The following COL7A1 variants were observed in gnomAD, a reference collection of about 807,000 sequenced individuals.
COL7A1 encodes the protein collagen alpha-1(VII) chain.
COL7A1 carries 296 observed loss-of-function variants against 456.2 expected under a neutral mutation model. The observed-to-expected ratio is 0.65, with a 90% CI of 0.59 to 0.71. COL7A1 has a LOEUF of 0.71. Among genes scored for constraint, COL7A1 ranks in the 30% least tolerant of loss-of-function variants. The pLI, the probability that COL7A1 is intolerant of heterozygous loss-of-function variation, is 0.00. For missense variants in COL7A1, 3,441 were observed against 4,017.2 expected (o/e 0.86, Z 3.88); for synonymous variants, 1,464 against 1,525.9 (o/e 0.96, Z 0.95).
chr3:48,588,173 A>AC lies in COL7A1; in HGVS notation c.2710+108dup. 1 of 1,537,214 alleles carries AC rather than the reference A, an allele frequency of 6.5e-7. No individual in the cohort carries two copies. The highest frequency in any genetic ancestry group is 1.1e-5 in the South Asian group (1 of 87,128). ...TTACCTACTGTCACGGATCCCGCAGACCCCCAGTGACAGACCCCGCCCACC... is the reference window on the plus strand; with the variant it reads ...TTACCTACTGTCACGGATCCCGCAGACCCCCCAGTGACAGACCCCGCCCACC... On this transcript the variant is annotated intron_variant, in intron 21 of 118. Coordinates refer to ENST00000681320, the MANE Select transcript of COL7A1 (RefSeq NM_000094.4). This position sits in a 1 kb window ranked among gnomAD's most constrained non-coding sequence, Gnocchi z 4.6.
rs773283791 is a variant in COL7A1 at position 48,573,754 on chromosome 3, G to A, written c.6538-29C>T. On this transcript the variant is annotated intron_variant, in intron 81 of 118. Transcript: ENST00000681320. This position sits in a 1 kb window ranked among gnomAD's most constrained non-coding sequence, Gnocchi z 5.5. Reference sequence around the variant, plus strand: ...TTGTGGCGAAAAAGAGTCTGATGAGGGGGAGTTAGCCGCACCCCACCAAGG... The same window carrying A: ...TTGTGGCGAAAAAGAGTCTGATGAGAGGGAGTTAGCCGCACCCCACCAAGG... 6.2e-7 allele frequency: 1 copy of A among 1,613,860 alleles called. No homozygotes were observed. Among genetic ancestry groups the A allele is most frequent in the South Asian group, 1.1e-5 (1 of 91,054 alleles).
At position 48,581,423 on chromosome 3, in the gene COL7A1, G is replaced by T; in HGVS notation, c.4818+25C>A. 6.2e-7 allele frequency: 1 copy of T among 1,613,984 alleles called. No homozygotes were observed. The highest frequency in any genetic ancestry group is 1.7e-5 in the Admixed American group (1 of 60,030). On this transcript the variant is annotated intron_variant, in intron 51 of 118. Transcript: ENST00000681320. The surrounding 1 kb of genome is among the most constrained non-coding windows in gnomAD (Gnocchi z 5.8). ...GGGAGGGGACCCCAGAAGCCTTGAG[G>T]TTGCCCAGGGTAACGGGTACTCACT...
In COL7A1 at chr3:48,587,657, G is replaced by C; in HGVS notation, c.2858-103C>G. 1 of 1,601,516 alleles carries C rather than the reference G, an allele frequency of 6.2e-7. No individual in the cohort carries two copies. Among genetic ancestry groups the C allele is most frequent in the Non-Finnish European group, 8.5e-7 (1 of 1,169,796 alleles). On this transcript the variant is annotated intron_variant, in intron 22 of 118. Coordinates refer to ENST00000681320, the MANE Select transcript of COL7A1 (RefSeq NM_000094.4). The surrounding 1 kb of genome is among the most constrained non-coding windows in gnomAD (Gnocchi z 6.1). Reference sequence around the variant, plus strand: ...CCGGTTTGTCTTATTGAAGCATCATGGGAGGTCATGCTGGGGTCACCCAGG... The same window carrying C: ...CCGGTTTGTCTTATTGAAGCATCATCGGAGGTCATGCTGGGGTCACCCAGG...
Position 48,594,182 on chromosome 3 carries a change from A to T in COL7A1, c.266+186T>A, listed in dbSNP as rs1018958960. On this transcript the variant is annotated intron_variant, in intron 3 of 118. Coordinates refer to ENST00000681320, the MANE Select transcript of COL7A1 (RefSeq NM_000094.4). This position sits in a 1 kb window ranked among gnomAD's most constrained non-coding sequence, Gnocchi z 5.5. Reference sequence around the variant, plus strand: ...CAGTAGCCTGGAGGTGCCTCAGGGCACGAAGGTTCTACCTAGGGAATCCTT... The same window carrying T: ...CAGTAGCCTGGAGGTGCCTCAGGGCTCGAAGGTTCTACCTAGGGAATCCTT... Among the ~76,000 whole-genome samples, 7 of 152,222 alleles carry T rather than the reference A, an allele frequency of 4.6e-5. No homozygotes were observed. Among genetic ancestry groups the T allele is most frequent in the African/African-American group, 1.7e-4 (7 of 41,460 alleles).
In COL7A1 at chr3:48,590,672, C is replaced by A. The variant is rs1441154788; in HGVS notation, c.1780+1G>T. 1.1e-5 allele frequency: 17 copies of A among 1,613,912 alleles called. No individual in the cohort carries two copies. The highest frequency in any genetic ancestry group is 1.4e-5 in the Non-Finnish European group (17 of 1,180,054). On this transcript the variant is annotated splice_donor_variant, in intron 14 of 118. Transcript: ENST00000681320. LOFTEE classifies it high-confidence loss of function. The surrounding 1 kb of genome is among the most constrained non-coding windows in gnomAD (Gnocchi z 4.6). Reference sequence around the variant, plus strand: ...CTCCACAAGCCTCCTGCAGTACTCACCCCGGCGGACAGTGAGGACACTGGC... The same window carrying A: ...CTCCACAAGCCTCCTGCAGTACTCAACCCGGCGGACAGTGAGGACACTGGC...
In COL7A1 at chr3:48,572,460, C is replaced by G; in HGVS notation, c.6937-39G>C. 6.2e-7 allele frequency: 1 copy of G among 1,613,998 alleles called. No individual in the cohort carries two copies. The highest frequency in any genetic ancestry group is 1.3e-5 in the African/African-American group (1 of 74,980). ...GAGGTCAGTGGGATTCCTTGGCCCC[C>G]ACCAGTTGACCCCCCCTCACTGGCA... On this transcript the variant is annotated intron_variant, in intron 89 of 118. Transcript: ENST00000681320. This position sits in a 1 kb window ranked among gnomAD's most constrained non-coding sequence, Gnocchi z 4.6.
chr3:48,588,034 G>T lies in COL7A1; in HGVS notation c.2711-95C>A. On this transcript the variant is annotated intron_variant, in intron 21 of 118. Coordinates refer to ENST00000681320, the MANE Select transcript of COL7A1 (RefSeq NM_000094.4). The surrounding 1 kb of genome is among the most constrained non-coding windows in gnomAD (Gnocchi z 4.6). ...GCCCACTTCACTGGCTCTGTTAACT[G>T]GGTTCACCCTCCTGACTGATCTTCC... 1 of 1,444,172 alleles carries T rather than the reference G, an allele frequency of 6.9e-7. No homozygotes were observed. 89.5% of individuals were successfully genotyped at this position (1,444,172 alleles called of 1,614,324 possible).
rs370710442 is a variant in COL7A1 at position 48,575,932 on chromosome 3, C to T, written c.5821-30G>A. ...GGACAAAGTCTGGGTGAAGGGCTGC[C>T]CATGACAGAGAAGCTCCTGCCTTCT... is the stretch of plus-strand genomic sequence containing the variant. On this transcript the variant is annotated intron_variant, in intron 71 of 118. Coordinates refer to ENST00000681320, the MANE Select transcript of COL7A1 (RefSeq NM_000094.4). The surrounding 1 kb of genome is among the most constrained non-coding windows in gnomAD (Gnocchi z 6.3). 3.1e-6 allele frequency: 5 copies of T among 1,613,986 alleles called. No homozygotes were observed. Among genetic ancestry groups the T allele is most frequent in the Non-Finnish European group, 4.2e-6 (5 of 1,180,028 alleles).
rs529321970 is a variant in COL7A1 at position 48,582,509 on chromosome 3, G to A, written c.4568C>T (p.Pro1523Leu). The A allele has an allele frequency of 1.2e-5, 19 of 1,613,932 alleles. No individual in the cohort carries two copies. The East Asian group carries it at 3.1e-4, about 26-fold the overall frequency. ...GRPGAKGPEG[P>L]PGPTGRQGEK... ...TCCTTGGCGGCCAGTGGGTCCTGGT[G>A]GCCCCTGAATGTAGAGAAAGTGTGA... The change falls in exon 46 of 119, where the codon CCA (proline) becomes CTA (leucine). Residue 1523 changes from proline (P) to leucine (L), a missense_variant. Pro to Leu is a moderately conservative substitution (Grantham distance 98). Coordinates refer to ENST00000681320, the MANE Select transcript of COL7A1 (RefSeq NM_000094.4).
In COL7A1 at chr3:48,579,469, G is replaced by A. The variant is rs1184436396; in HGVS notation, c.5271+11C>T. Reference sequence around the variant, plus strand: ...GGGGACTTGGCAGACGGGGCAAAGTGCATCACTCACCTGTGGGCCTGGGGG... The same window carrying A: ...GGGGACTTGGCAGACGGGGCAAAGTACATCACTCACCTGTGGGCCTGGGGG... On this transcript the variant is annotated intron_variant, in intron 60 of 118. Coordinates refer to ENST00000681320, the MANE Select transcript of COL7A1 (RefSeq NM_000094.4). This position sits in a 1 kb window ranked among gnomAD's most constrained non-coding sequence, Gnocchi z 4.4. 6.2e-7 allele frequency: 1 copy of A among 1,614,130 alleles called. No homozygotes were observed. The highest frequency in any genetic ancestry group is 1.1e-5 in the South Asian group (1 of 91,076).
At position 48,574,192 on chromosome 3, in the gene COL7A1, C is replaced by T. The variant is rs2044126729; in HGVS notation, c.6501+70G>A. ...ACAAACACACACACACAGACATGCA[C>T]ACACACAGCAGCAGCAGCACCTAGC... On this transcript the variant is annotated intron_variant, in intron 80 of 118. Coordinates refer to ENST00000681320, the MANE Select transcript of COL7A1 (RefSeq NM_000094.4). This position sits in a 1 kb window ranked among gnomAD's most constrained non-coding sequence, Gnocchi z 5.0. The T allele has an allele frequency of 6.3e-7, 1 of 1,578,056 alleles. No individual in the cohort carries two copies. The highest frequency in any genetic ancestry group is 8.7e-7 in the Non-Finnish European group (1 of 1,149,338).
Position 48,593,770 on chromosome 3 carries a change from G to C in COL7A1, c.267-74C>G. On this transcript the variant is annotated intron_variant, in intron 3 of 118. Coordinates refer to ENST00000681320, the MANE Select transcript of COL7A1 (RefSeq NM_000094.4). The surrounding 1 kb of genome is among the most constrained non-coding windows in gnomAD (Gnocchi z 4.4). ...GGCCCTGGCCTTGAGGAGGCCTCTA[G>C]GGTGAGGGTTACGGGTATCAGGCTC... The C allele has an allele frequency of 1.3e-6, 2 of 1,567,514 alleles. No individual in the cohort carries two copies. Among genetic ancestry groups the C allele is most frequent in the Non-Finnish European group, 1.8e-6 (2 of 1,137,866 alleles).
rs944905974 is a variant in COL7A1 at position 48,578,178 on chromosome 3, C to T, written c.5532+143G>A. On this transcript the variant is annotated intron_variant, in intron 65 of 118. Coordinates refer to ENST00000681320, the MANE Select transcript of COL7A1 (RefSeq NM_000094.4). The surrounding 1 kb of genome is among the most constrained non-coding windows in gnomAD (Gnocchi z 4.7). ...AAACTCCATCTCAAAAAAAAAAAAA[C>T]TATGTTTCTGGATGCATCTGTATGT... The T allele has an allele frequency of 7.0e-5, 62 of 881,994 alleles. No homozygotes were observed. Among genetic ancestry groups the T allele is most frequent in the Non-Finnish European group, 9.7e-5 (55 of 568,616 alleles). The allele number at this position is 881,994 out of a possible 1,614,324, so 54.6% of individuals were successfully genotyped here.
Position 48,586,737 on chromosome 3 carries a change from A to T in COL7A1, c.3277-48T>A, listed in dbSNP as rs763052032. 1.9e-6 allele frequency: 3 copies of T among 1,551,782 alleles called. No homozygotes were observed. The highest frequency in any genetic ancestry group is 2.6e-6 in the Non-Finnish European group (3 of 1,146,998). On this transcript the variant is annotated intron_variant, in intron 25 of 118. Transcript: ENST00000681320. The surrounding 1 kb of genome is among the most constrained non-coding windows in gnomAD (Gnocchi z 5.1). ...GCCTGAGGAGGATGACAGAGCAGGG[A>T]TGGGGGTGCACAGAGCCTGGAGAAA...
rs2043796805 is a variant in COL7A1, at chr3:48,569,830, A to G, written c.7521+50T>C. 2 of 1,614,024 alleles carry G rather than the reference A, an allele frequency of 1.2e-6. No individual in the cohort carries two copies. Among genetic ancestry groups the G allele is most frequent in the Non-Finnish European group, 1.7e-6 (2 of 1,179,958 alleles). ...CCGCACCTGAATTCTAATATCATACAAGATCCACTCACCCCCCCACTCATG... is the reference window on the plus strand; with the variant it reads ...CCGCACCTGAATTCTAATATCATACGAGATCCACTCACCCCCCCACTCATG... On this transcript the variant is annotated intron_variant, in intron 100 of 118. Transcript: ENST00000681320. The surrounding 1 kb of genome is among the most constrained non-coding windows in gnomAD (Gnocchi z 4.9).
Position 48,572,460 on chromosome 3 carries a change from C to T in COL7A1, c.6937-39G>A. 1 of 1,613,998 alleles carries T rather than the reference C, an allele frequency of 6.2e-7. No homozygotes were observed. Among genetic ancestry groups the T allele is most frequent in the South Asian group, 1.1e-5 (1 of 91,088 alleles). ...GAGGTCAGTGGGATTCCTTGGCCCC[C>T]ACCAGTTGACCCCCCCTCACTGGCA... On this transcript the variant is annotated intron_variant, in intron 89 of 118. Transcript: ENST00000681320. This position sits in a 1 kb window ranked among gnomAD's most constrained non-coding sequence, Gnocchi z 4.6.
chr3:48,568,005 T>G lies in COL7A1; in HGVS notation c.7875+85A>C, dbSNP rs2043684320. The G allele has an allele frequency of 6.3e-7, 1 of 1,599,036 alleles. No homozygotes were observed. Among genetic ancestry groups the G allele is most frequent in the Non-Finnish European group, 8.6e-7 (1 of 1,166,516 alleles). On this transcript the variant is annotated intron_variant, in intron 106 of 118. Transcript: ENST00000681320. This position sits in a 1 kb window ranked among gnomAD's most constrained non-coding sequence, Gnocchi z 5.2. ...TCAGCTACTCCAACCTCTGACCCAGTGCCCTAATATCTGACCCCAGGTCCC... is the reference window on the plus strand; with the variant it reads ...TCAGCTACTCCAACCTCTGACCCAGGGCCCTAATATCTGACCCCAGGTCCC...
rs2107717888 is a variant in COL7A1, at chr3:48,582,366, G to A, written c.4600-8C>T. On this transcript the variant is annotated splice_polypyrimidine_tract_variant and splice_region_variant and intron_variant, in intron 46 of 118. Transcript: ENST00000681320. ...AGGGCGACCAGGCTCCCCCTGTGGAGAGAGGATAGGAGCAGGGACAGGTCA... is the reference window on the plus strand; with the variant it reads ...AGGGCGACCAGGCTCCCCCTGTGGAAAGAGGATAGGAGCAGGGACAGGTCA... 2 of 1,614,086 alleles carry A rather than the reference G, an allele frequency of 1.2e-6. 1 individual carries two copies. Among genetic ancestry groups the A allele is most frequent in the South Asian group, 2.2e-5 (2 of 91,088 alleles).
chr3:48,565,642 C>T lies in COL7A1; in HGVS notation c.8434G>A (p.Gly2812Arg). The T allele has an allele frequency of 6.2e-7, 1 of 1,613,942 alleles. No individual in the cohort carries two copies. Among genetic ancestry groups the T allele is most frequent in the East Asian group, 2.2e-5 (1 of 44,862 alleles). The change falls in exon 115 of 119, where the codon GGA becomes AGA. Residue 2812 changes from glycine to arginine, a missense_variant. Gly to Arg is a moderately radical substitution (Grantham distance 125). This residue lies in a region of COL7A1 where 2,084 missense variants were observed against 2,501.3 expected (regional missense o/e 0.83). Coordinates refer to ENST00000681320, the MANE Select transcript of COL7A1 (RefSeq NM_000094.4). This position sits in a 1 kb window ranked among gnomAD's most constrained non-coding sequence, Gnocchi z 4.5. ...CACQGQFIAS[G>R]SRPLPSYAAD... ...GGAGTAGAAAACTACTCACGTGATC[C>T]AGATGCGATGAACTGGCCCTGGCAG...
Sources: gnomAD v4.1 joint callset for allele counts (sites outside exome capture counted in the v4.1 genomes callset) on GRCh38, gnomAD v4.1.1 for gene constraint, gnomAD v4.1.1 regional missense constraint, Gnocchi (gnomAD v3.1) non-coding constraint, MANE v1.5 for transcripts, NCBI Gene and HGNC (gene_info 2026-07-23, HGNC 2026-07-21) for gene names.